Variants in RIPOR2 observed in about 807,000 individuals in gnomAD.
RIPOR2 encodes the protein RHO family interacting cell polarization regulator 2, also known as rho family-interacting cell polarization regulator 2.
RIPOR2 carries 39 observed loss-of-function variants against 114.5 expected under a neutral mutation model. The observed-to-expected ratio is 0.34, with a 90% CI of 0.26 to 0.44. The LOEUF is 0.44. RIPOR2 is among the 20% of genes least tolerant of loss of function. The probability of loss-of-function intolerance (pLI) is 1.00; values close to 1 mark genes in which losing one functional copy is unlikely to be tolerated. For missense variants in RIPOR2, 1,007 were observed against 1,255.1 expected, an observed-to-expected ratio of 0.80 and a Z score of 2.99; for synonymous variants, 445 against 484.4, an observed-to-expected ratio of 0.92 and a Z score of 1.07.
intron 12 of RIPOR2, chr6:24,847,782 C>T: frequency 7.6e-7 from 1 of 1,323,226 alleles, no homozygotes; most frequent in Non-Finnish European, 1.0e-6. Flanking sequence ...TTGATTAAAA[C>T]AAGGAGGCTA....
intron 9 of RIPOR2, among the ~76,000 whole-genome samples, chr6:24,852,215 T>TCATG (rs1159015194): frequency 6.6e-6 from 1 of 152,026 alleles, no homozygotes; most frequent in Admixed American, 6.5e-5. Flanking sequence ...TGAGCTGAGA[T>TCATG]CATGCCACTG....
chr6:24,900,861 G>T (rs565896597), intron 1 of RIPOR2, among the ~76,000 whole-genome samples: 2 of 152,260 alleles, frequency 1.3e-5, no homozygotes, highest in South Asian at 2.1e-4. Context: ...TGTTGTGGTA[G>T]TTGTTGTTTT....
intron 1 of RIPOR2, among the ~76,000 whole-genome samples, chr6:24,994,705 G>A (rs577726271): frequency 7.9e-5 from 12 of 152,218 alleles, no homozygotes; most frequent in African/African-American, 2.9e-4. Context: ...AACCTGGGGT[G>A]GAACAATGTT....
chr6:24,862,170 G>A (rs576816442), intron 7 of RIPOR2, among the ~76,000 whole-genome samples: 18 of 152,344 alleles, frequency 1.2e-4, no homozygotes, highest in Admixed American at 3.3e-4. Flanking sequence ...AATGAAAAGG[G>A]AAAGTGCTGC....
At chr6:24,853,075 C>G (rs1763120476) in intron 8 of RIPOR2, among the ~76,000 whole-genome samples, 1 of 152,184 alleles carries the variant, frequency 6.6e-6, no homozygotes, top group Non-Finnish European at 1.5e-5. Context: ...ATTTCCCTTG[C>G]TGCCCCCCAA....
chr6:24,966,961 G>A (rs1164739630), intron 1 of RIPOR2, among the ~76,000 whole-genome samples: 1 of 152,208 alleles, frequency 6.6e-6, no homozygotes, highest in Non-Finnish European at 1.5e-5. Flanking sequence ...CTGTACAGAG[G>A]TGAAGCTACT....
rs1489693481 is a variant in RIPOR2 at position 24,830,590 on chromosome 6, G to A, written c.2425C>T (p.Pro809Ser). ...CCSPVGVYHS[P>S]ADRVMKQLEA... is the part of the protein sequence containing the mutation. ...AGCTGCTTCATCACTCTGTCCGCTG[G>A]GCTGTGGTAGACACCAACAGGGCTG... Residue 809 changes from proline to serine, a missense_variant, in exon 17 of 22, where the codon CCA becomes TCA. Physicochemically the swap from Pro to Ser is moderately conservative, Grantham distance 74 (BLOSUM62 -1). Coordinates refer to ENST00000643898, the MANE Select transcript of RIPOR2 (RefSeq NM_001286445.3). The A allele has an allele frequency of 6.4e-6, 10 of 1,551,386 alleles. No homozygotes were observed. The highest frequency in any genetic ancestry group is 7.8e-6 in the Non-Finnish European group (9 of 1,146,962).
chr6:25,021,078 C>T (rs1168065766), intron 1 of RIPOR2, among the ~76,000 whole-genome samples: 1 of 152,122 alleles, frequency 6.6e-6, no homozygotes, highest in Non-Finnish European at 1.5e-5. Context: ...AGGCTGGTCT[C>T]GAACTCCTGA....
intron 12 of RIPOR2, among the ~76,000 whole-genome samples, chr6:24,845,107 G>C (rs932048471): frequency 6.6e-6 from 1 of 151,906 alleles, no homozygotes; most frequent in African/African-American, 2.4e-5. Flanking sequence ...CGAGTGAAAT[G>C]ATGTGTCACT....
At chr6:24,895,625 G>GA (rs1490896381) in intron 1 of RIPOR2, among the ~76,000 whole-genome samples, 1 of 152,152 alleles carries the variant, frequency 6.6e-6, no homozygotes, top group Non-Finnish European at 1.5e-5. Context: ...ATATTTACCA[G>GA]AAAAACAGGA....
At chr6:24,889,146 GATC>G (rs1468155283) in intron 1 of RIPOR2, among the ~76,000 whole-genome samples, 1 of 152,196 alleles carries the variant, frequency 6.6e-6, no homozygotes, top group Non-Finnish European at 1.5e-5. Flanking sequence ...GGAGCCTGGG[GATC>G]ATCAAGAGAT....
intron 18 of RIPOR2, among the ~76,000 whole-genome samples, chr6:24,825,780 T>C (rs1286739266): frequency 6.6e-6 from 1 of 152,180 alleles, no homozygotes; most frequent in African/African-American, 2.4e-5. Flanking sequence ...TATGGCAGAC[T>C]TAATTGCTCC....
chr6:24,983,425 T>C (rs888043282), intron 1 of RIPOR2, among the ~76,000 whole-genome samples: 1 of 152,138 alleles, frequency 6.6e-6, no homozygotes, highest in Non-Finnish European at 1.5e-5. Flanking sequence ...AGACAGCTAG[T>C]TGTCCCCCAG....
At chr6:24,895,651 C>T (rs543578932) in intron 1 of RIPOR2, among the ~76,000 whole-genome samples, 2 of 152,112 alleles carry the variant, frequency 1.3e-5, no homozygotes, top group African/African-American at 2.4e-5. Context: ...TTGTGTCACT[C>T]GTTCAGTTGC....
intron 1 of RIPOR2, among the ~76,000 whole-genome samples, chr6:24,923,302 G>C (rs1770639475): frequency 6.6e-6 from 1 of 152,074 alleles, no homozygotes; most frequent in Admixed American, 6.5e-5. Context: ...TCCACCTTTT[G>C]GCTATTGTGA....
At chr6:24,912,467 C>CCT (rs1561767632) in intron 1 of RIPOR2, among the ~76,000 whole-genome samples, 2 of 110,268 alleles carry the variant, frequency 1.8e-5, no homozygotes, top group South Asian at 2.7e-4. Context: ...TGCCCCCCCC[C>CCT]TTTTTTTTTT....
intron 1 of RIPOR2, among the ~76,000 whole-genome samples, chr6:25,033,833 G>C (rs1777113830): frequency 2.6e-5 from 4 of 152,248 alleles, no homozygotes; most frequent in African/African-American, 9.6e-5. Context: ...CTGCTAAACA[G>C]AGTTTAAGAT....
chr6:24,899,798 T>A lies in RIPOR2; in HGVS notation c.62-23981A>T, dbSNP rs73731429. Reference sequence around the variant, plus strand: ...TCCATTTTCCTCCCCTTTTGTGGGGTTGTTCAGATCTCTGAGGCGTCAATC... The same window carrying A: ...TCCATTTTCCTCCCCTTTTGTGGGGATGTTCAGATCTCTGAGGCGTCAATC... On this transcript the variant is annotated intron_variant, in intron 1 of 21. Transcript: ENST00000643898. Among the ~76,000 whole-genome samples the A allele has an allele frequency of 8.0e-3, 1,224 of 152,246 alleles. 23 individuals are homozygous for A. The highest frequency in any genetic ancestry group is 0.023 in the African/African-American group (938 of 41,536).
intron 16 of RIPOR2, among the ~76,000 whole-genome samples, chr6:24,831,250 G>A (rs1349736562): frequency 6.6e-6 from 1 of 152,158 alleles, no homozygotes; most frequent in African/African-American, 2.4e-5. Context: ...GTGAGTGATA[G>A]GAAATACAGG....
Sources: gnomAD v4.1 joint callset for allele counts (sites outside exome capture counted in the v4.1 genomes callset) on GRCh38, gnomAD v4.1.1 for gene constraint, MANE v1.5 for transcripts, NCBI Gene and HGNC (gene_info 2026-07-23, HGNC 2026-07-21) for gene names.